MYOM2: variants seen among roughly 807,000 people sequenced by gnomAD.
MYOM2 encodes the protein myomesin-2.
In MYOM2, 254 loss-of-function variants were observed where a neutral mutation model predicts 187.6. The observed-to-expected ratio is 1.35, with a 90% CI of 1.22 to 1.50. MYOM2 has a LOEUF of 1.50. MYOM2 is among the 40% of genes most tolerant of loss of function. The pLI is 0.00. For missense variants in MYOM2, 2,796 were observed against 1,924.0 expected (o/e 1.45, Z -8.48); for synonymous variants, 981 against 753.8 (o/e 1.30, Z -4.94).
At chr8:2,106,160 CA>C in intron 21 of MYOM2, 81 bp from the exon 22 acceptor site, 1 of 1,445,428 alleles carries the variant, frequency 6.9e-7, no homozygotes, top group Non-Finnish European at 9.5e-7. Context: ...GACGCGGAGC[CA>C]AACCATATCA....
At chr8:2,088,901 T>C (rs943398332) in intron 14 of MYOM2, among the ~76,000 whole-genome samples, 10 of 152,354 alleles carry the variant, frequency 6.6e-5, no homozygotes, top group East Asian at 1.9e-4. Context: ...CTTCCCTTTG[T>C]GGACCCATAT....
At chr8:2,107,695 T>G (rs1055197189) in intron 23 of MYOM2, among the ~76,000 whole-genome samples, 2 of 152,124 alleles carry the variant, frequency 1.3e-5, no homozygotes, top group Non-Finnish European at 2.9e-5. Flanking sequence ...GGGTCCTCAG[T>G]TCACCACTCA....
rs146648198 is a variant in MYOM2 at position 2,057,366 on chromosome 8, C to T, written c.282C>T (p.Ala94=). 7.1e-5 allele frequency: 115 copies of T among 1,608,552 alleles called. No individual in the cohort carries two copies. Among genetic ancestry groups the T allele is most frequent in the Admixed American group, 5.6e-4 (33 of 59,162 alleles). The change falls in exon 4 of 37, where the codon GCC becomes GCT. Residue 94 remains alanine, a synonymous_variant. Coordinates refer to ENST00000262113, the MANE Select transcript of MYOM2 (RefSeq NM_003970.4). ...ENRSRYQSLV[A]AYGEAKRQRF... ...CCTGCAGGTACCAGTCCCTGGTGGC[C>T]GCCTATGGTGAGGCCAAGCGACAGC...
In MYOM2 at chr8:2,052,302, G is replaced by A. The variant is rs768884798; in HGVS notation, c.252G>A (p.Glu84=). ...GCACGCAGGAAGATGAGGAGCAGGA[G>A]AACAGAAGCAGGTGAGCACATGGCT... The part of the protein sequence containing the change: ...RVSTQEDEEQ[E]NRSRYQSLVA... The change falls in exon 3 of 37, where the codon GAG becomes GAA. Residue 84 remains glutamate, a synonymous_variant. Coordinates refer to ENST00000262113, the MANE Select transcript of MYOM2 (RefSeq NM_003970.4). The A allele has an allele frequency of 1.9e-6, 3 of 1,603,396 alleles. No homozygotes were observed. Among genetic ancestry groups the A allele is most frequent in the Non-Finnish European group, 8.5e-7 (1 of 1,174,624 alleles).
intron 14 of MYOM2, among the ~76,000 whole-genome samples, chr8:2,087,041 A>T (rs927742390): frequency 6.6e-5 from 10 of 152,218 alleles, no homozygotes; most frequent in Admixed American, 6.5e-4. Context: ...CACAAATGAT[A>T]ATCTCACCCA....
rs999385967 is a variant in MYOM2 at position 2,144,833 on chromosome 8, G to T, written c.4250G>T (p.Ser1417Ile). Residue 1417 changes from serine to isoleucine, a missense_variant, in exon 37 of 37, where the codon AGC (serine) becomes ATC (isoleucine). By Grantham distance (142) the Ser-to-Ile change is moderately radical (BLOSUM62 -2). Coordinates refer to ENST00000262113, the MANE Select transcript of MYOM2 (RefSeq NM_003970.4). Reference sequence around the variant, plus strand: ...ACCTCCGAGGACTCGGGCAAGTACAGCATCAACATCAAGAATAAGTATGGC... The same window carrying T: ...ACCTCCGAGGACTCGGGCAAGTACATCATCAACATCAAGAATAAGTATGGC... Reference protein sequence around the residue: ...GVTSEDSGKYSINIKNKYGGE... With the variant: ...GVTSEDSGKYIINIKNKYGGE... 6.2e-7 allele frequency: 1 copy of T among 1,614,192 alleles called. No homozygotes were observed.
chr8:2,123,253 T>A lies in MYOM2; in HGVS notation c.3455T>A (p.Val1152Asp). Residue 1152 changes from valine to aspartate, a missense_variant and splice_region_variant, in exon 29 of 37, where the codon GTT becomes GAT. Val to Asp is a radical substitution (Grantham distance 152, BLOSUM62 -3). Transcript: ENST00000262113. ...AAACTTAAGCTTTCTACCTCACAGG[T>A]TGCAAACACCAAGAAAGAAACCGTT... is the stretch of plus-strand genomic sequence containing the variant. ...EECEVRLVCK[V>D]ANTKKETVFK... 6.2e-7 allele frequency: 1 copy of A among 1,607,232 alleles called. No homozygotes were observed. Among genetic ancestry groups the A allele is most frequent in the Non-Finnish European group, 8.5e-7 (1 of 1,176,038 alleles).
At chr8:2,113,111 T>G (rs1450946533) in intron 25 of MYOM2, among the ~76,000 whole-genome samples, 1 of 152,226 alleles carries the variant, frequency 6.6e-6, no homozygotes, top group Non-Finnish European at 1.5e-5. Context: ...GACTACCGTA[T>G]TGGTAACGCT....
intron 32 of MYOM2, among the ~76,000 whole-genome samples, chr8:2,135,264 C>G (rs554411353): frequency 6.6e-6 from 1 of 152,270 alleles, no homozygotes; most frequent in African/African-American, 2.4e-5. Context: ...TTCCTTTCAT[C>G]TTTAGCCATA....
intron 32 of MYOM2, among the ~76,000 whole-genome samples, chr8:2,133,168 T>C (rs1797936052): frequency 6.6e-6 from 1 of 152,226 alleles, no homozygotes; most frequent in South Asian, 2.1e-4. Flanking sequence ...AGCAAAAGGC[T>C]GCTGGGTATG....
Position 2,096,220 on chromosome 8 carries a change from T to G in MYOM2, c.2126-27T>G, listed in dbSNP as rs779227311. 3 of 1,599,136 alleles carry G rather than the reference T, an allele frequency of 1.9e-6. No individual in the cohort carries two copies. In the East Asian group the frequency reaches 6.7e-5, roughly 36 times the overall value. On this transcript the variant is annotated intron_variant, in intron 17 of 36. Coordinates refer to ENST00000262113, the MANE Select transcript of MYOM2 (RefSeq NM_003970.4). Reference sequence around the variant, plus strand: ...CAAAGCCCCCAGCTGAGGCCCTCGGTAACTCCCTGGTTGTGCTTCCTTGCA... The same window carrying G: ...CAAAGCCCCCAGCTGAGGCCCTCGGGAACTCCCTGGTTGTGCTTCCTTGCA...
At position 2,140,763 on chromosome 8, in the gene MYOM2, G is replaced by A. The variant is rs1798245660; in HGVS notation, c.3841G>A (p.Gly1281Arg). The change falls in exon 33 of 37, where the codon GGG (glycine) becomes AGG (arginine). Residue 1281 changes from glycine to arginine, a missense_variant. By Grantham distance (125) the Gly-to-Arg change is moderately radical. Transcript: ENST00000262113. ...ISSSEHMRIG[G>R]SEEMAWLQIC... ...ATCCAGTGAGCATATGAGAATCGGG[G>A]GGAGTGAAGAGATGGCTTGGCTGCA... The A allele has an allele frequency of 6.2e-7, 1 of 1,613,990 alleles. No homozygotes were observed. The highest frequency in any genetic ancestry group is 1.1e-5 in the South Asian group (1 of 91,076).
At chr8:2,102,999 G>C (rs1281250222) in intron 21 of MYOM2, among the ~76,000 whole-genome samples, 1 of 152,070 alleles carries the variant, frequency 6.6e-6, no homozygotes, top group East Asian at 1.9e-4. Context: ...GTATGGGAGA[G>C]TGTGCATGGA....
intron 25 of MYOM2, among the ~76,000 whole-genome samples, chr8:2,110,146 G>A (rs1797020518): frequency 6.6e-6 from 1 of 152,174 alleles, no homozygotes; most frequent in Non-Finnish European, 1.5e-5. Context: ...AACATAAGGA[G>A]ATCCCATCTC....
intron 11 of MYOM2, among the ~76,000 whole-genome samples, chr8:2,078,471 A>T (rs1242335250): frequency 6.6e-6 from 1 of 152,190 alleles, no homozygotes; most frequent in Non-Finnish European, 1.5e-5. Flanking sequence ...ACAGAAATTG[A>T]TCTTCAGCTA....
At position 2,115,964 on chromosome 8, in the gene MYOM2, A is replaced by G. The variant is rs368519542; in HGVS notation, c.3185A>G (p.His1062Arg). 20 of 1,608,136 alleles carry G rather than the reference A, an allele frequency of 1.2e-5. No homozygotes were observed. The African/African-American group carries it at 2.7e-4, about 22-fold the overall frequency. Residue 1062 changes from histidine to arginine, a missense_variant, in exon 26 of 37, where the codon CAC becomes CGC. Physicochemically the swap from His to Arg is conservative, Grantham distance 29. Transcript: ENST00000262113. ...NDREVSDSEI[H>R]RIKCDKATGI... ...TTTCCCTTGTTTTGCTTGCAGATAC[A>G]CAGAATTAAATGTGACAAAGCTACT...
At chr8:2,141,983 C>G (rs551295576) in intron 34 of MYOM2, among the ~76,000 whole-genome samples, 1 of 151,824 alleles carries the variant, frequency 6.6e-6, no homozygotes, top group South Asian at 2.1e-4. Flanking sequence ...ATTTAATGAA[C>G]ATTTGTTGAC....
intron 11 of MYOM2, among the ~76,000 whole-genome samples, chr8:2,078,080 T>G (rs1017564340): frequency 6.6e-6 from 1 of 152,222 alleles, no homozygotes; most frequent in Non-Finnish European, 1.5e-5. Context: ...GGGAATTTCA[T>G]GTGAAGGTTT....
At chr8:2,139,750 A>G (rs1173035478) in intron 32 of MYOM2, among the ~76,000 whole-genome samples, 1 of 152,132 alleles carries the variant, frequency 6.6e-6, no homozygotes, top group African/African-American at 2.4e-5. Context: ...TATGACTTCC[A>G]CAGATCTCTC....
Sources: gnomAD v4.1 joint callset for allele counts (sites outside exome capture counted in the v4.1 genomes callset) on GRCh38, gnomAD v4.1.1 for gene constraint, MANE v1.5 for transcripts, NCBI Gene and HGNC (gene_info 2026-07-23, HGNC 2026-07-21) for gene names.